Variants in FAM13A observed in about 807,000 individuals in gnomAD.
The protein encoded by FAM13A is family with sequence similarity 13 member A.
Under a neutral mutation model 129.6 loss-of-function variants are expected in FAM13A, and 76 were observed. The ratio of observed to expected loss-of-function variants is 0.59; its 90% CI spans 0.49 to 0.71. The LOEUF is 0.71. Ranked by LOEUF, FAM13A falls within the 30% of genes least tolerant of loss-of-function variation. The pLI is 0.00. For missense variants in FAM13A, 1,108 were observed against 1,249.3 expected, an observed-to-expected ratio of 0.89 and a Z score of 1.70; for synonymous variants, 443 against 449.9, an observed-to-expected ratio of 0.98 and a Z score of 0.20.
At chr4:88,843,258 G>T (rs1196451650) in intron 7 of FAM13A, among the ~76,000 whole-genome samples, 1 of 152,186 alleles carries the variant, frequency 6.6e-6, no homozygotes, top group Admixed American at 6.5e-5. Context: ...TGAAGCGCAC[G>T]CTGTGCTTGT....
intron 5 of FAM13A, among the ~76,000 whole-genome samples, chr4:88,935,289 C>T (rs930373168): frequency 3.3e-5 from 5 of 152,178 alleles, no homozygotes; most frequent in Non-Finnish European, 7.3e-5. Context: ...CCCAAATCTC[C>T]GTTTCACATG....
chr4:89,042,698 AAAAGT>A (rs1770311837), intron 1 of FAM13A, among the ~76,000 whole-genome samples: 1 of 152,226 alleles, frequency 6.6e-6, no homozygotes, highest in African/African-American at 2.4e-5. Context: ...ACATTCACAG[AAAAGT>A]AAAGTTTAAG....
intron 7 of FAM13A, among the ~76,000 whole-genome samples, chr4:88,850,148 T>C (rs1280610583): frequency 6.6e-6 from 1 of 152,152 alleles, no homozygotes; most frequent in Non-Finnish European, 1.5e-5. Flanking sequence ...TAAGTTATAA[T>C]AGAAGATATT....
chr4:88,993,223 A>G (rs1763137753), intron 3 of FAM13A, among the ~76,000 whole-genome samples: 1 of 152,246 alleles, frequency 6.6e-6, no homozygotes, highest in Non-Finnish European at 1.5e-5. Flanking sequence ...ATTAAGTTGG[A>G]GTGATTAAGA....
intron 8 of FAM13A, among the ~76,000 whole-genome samples, chr4:88,799,601 C>T (rs945531501): frequency 6.6e-6 from 1 of 152,156 alleles, no homozygotes; most frequent in African/African-American, 2.4e-5. Flanking sequence ...TCCCCTGTCT[C>T]AGCCTCCTGA....
intron 4 of FAM13A, among the ~76,000 whole-genome samples, chr4:88,965,858 C>T (rs1759285956): frequency 6.6e-6 from 1 of 152,152 alleles, no homozygotes; most frequent in African/African-American, 2.4e-5. Context: ...ATAACGTCGG[C>T]AAGGTTCGTC....
intron 11 of FAM13A, among the ~76,000 whole-genome samples, chr4:88,778,585 A>G (rs1482317117): frequency 1.3e-5 from 2 of 152,144 alleles, no homozygotes; most frequent in Non-Finnish European, 2.9e-5. Context: ...AGTTCAAGCC[A>G]TCATCATCTC....
intron 7 of FAM13A, among the ~76,000 whole-genome samples, chr4:88,842,114 A>G (rs1370316741): frequency 6.6e-6 from 1 of 152,252 alleles, no homozygotes; most frequent in Non-Finnish European, 1.5e-5. Flanking sequence ...TACAACATGG[A>G]TGAGCCTTCA....
intron 1 of FAM13A, among the ~76,000 whole-genome samples, chr4:89,037,783 T>C (rs1213835326): frequency 6.6e-6 from 1 of 152,110 alleles, no homozygotes; most frequent in East Asian, 1.9e-4. Context: ...TCACAAGATC[T>C]GGTTGTTTAA....
chr4:88,875,983 C>T (rs886980141), intron 6 of FAM13A, among the ~76,000 whole-genome samples: 1 of 152,148 alleles, frequency 6.6e-6, no homozygotes, highest in African/African-American at 2.4e-5. Context: ...GAATTCATGT[C>T]CTTTCTAGGG....
At chr4:88,758,932 C>A in intron 13 of FAM13A, 31 bp from the exon 14 acceptor site, 1 of 1,602,672 alleles carries the variant, frequency 6.2e-7, no homozygotes, top group East Asian at 2.2e-5. Flanking sequence ...CCCCAAATAT[C>A]TACTGCTCAC....
chr4:88,960,208 A>C (rs1274179377), intron 4 of FAM13A, among the ~76,000 whole-genome samples: 1 of 152,188 alleles, frequency 6.6e-6, no homozygotes, highest in African/African-American at 2.4e-5. Flanking sequence ...ACAAATGAAA[A>C]TGCTATAAGA....
At chr4:88,987,838 CAAA>C (rs1158179811) in intron 4 of FAM13A, among the ~76,000 whole-genome samples, 3 of 71,178 alleles carry the variant, frequency 4.2e-5, no homozygotes, top group Non-Finnish European at 2.5e-5. Context: ...AGACTCCTCT[CAAA>C]AAAAAAAAAA....
chr4:88,906,605 C>T (rs779304052), intron 5 of FAM13A, 143 bp from the exon 6 acceptor site: 13 of 614,902 alleles, frequency 2.1e-5, no homozygotes, highest in South Asian at 4.1e-5. Context: ...AATTGTAGTA[C>T]GGAGTCAAAA....
At chr4:88,942,981 T>C (rs1181299156) in intron 4 of FAM13A, among the ~76,000 whole-genome samples, 2 of 152,198 alleles carry the variant, frequency 1.3e-5, no homozygotes, top group Non-Finnish European at 2.9e-5. Context: ...ATAATCCCTG[T>C]GCCTCATATT....
chr4:88,900,329 C>T (rs1301267217), intron 6 of FAM13A, among the ~76,000 whole-genome samples: 1 of 151,846 alleles, frequency 6.6e-6, no homozygotes, highest in Non-Finnish European at 1.5e-5. Context: ...AAGATCAATG[C>T]CAAGACACAT....
chr4:88,938,549 TA>T (rs1754203250), intron 4 of FAM13A, among the ~76,000 whole-genome samples: 1 of 152,094 alleles, frequency 6.6e-6, no homozygotes, highest in East Asian at 1.9e-4. Flanking sequence ...TATATAAAAG[TA>T]AAAAAAGAAT....
At chr4:88,928,047 G>C (rs1752476841) in intron 5 of FAM13A, among the ~76,000 whole-genome samples, 1 of 151,942 alleles carries the variant, frequency 6.6e-6, no homozygotes, top group African/African-American at 2.4e-5. Flanking sequence ...ATTTTCATCT[G>C]ATTCAAAAAA....
chr4:88,806,874 A>G (rs1190179461), intron 7 of FAM13A, among the ~76,000 whole-genome samples: 1 of 152,202 alleles, frequency 6.6e-6, no homozygotes, highest in East Asian at 1.9e-4. Context: ...TCGCTTACAC[A>G]TTTGACTTCC....
Sources: allele counts gnomAD v4.1 joint callset (sites outside exome capture counted in the v4.1 genomes callset), GRCh38; gene constraint gnomAD v4.1.1; transcripts MANE v1.5; gene names NCBI Gene and HGNC (gene_info 2026-07-23, HGNC 2026-07-21).